The following GRID2 variants were observed in gnomAD, a reference collection of about 807,000 sequenced individuals.
GRID2 encodes glutamate receptor ionotropic, delta-2.
A neutral mutation model predicts 114.8 loss-of-function variants in GRID2; 33 were observed. The ratio of observed to expected loss-of-function variants is 0.29; its 90% confidence interval spans 0.22 to 0.38. The LOEUF (loss-of-function observed/expected upper bound fraction) is 0.38, where lower values mean the gene tolerates loss of function less well. GRID2 is among the 10% of genes least tolerant of loss of function. The pLI, the probability that GRID2 is intolerant of heterozygous loss-of-function variation, is 1.00. For missense variants in GRID2, 1,184 were observed against 1,257.7 expected (o/e 0.94, Z 0.89); for synonymous variants, 505 against 449.9 (o/e 1.12, Z -1.55).
At chr4:92,806,859 T>C (rs1357785241) in intron 2 of GRID2, among the ~76,000 whole-genome samples, 3 of 151,984 alleles carry the variant, frequency 2.0e-5, no homozygotes, top group African/African-American at 7.2e-5. Flanking sequence ...GGTTATATAA[T>C]ATTTAGATAG....
At chr4:92,343,025 A>C (rs1436957176) in intron 1 of GRID2, among the ~76,000 whole-genome samples, 1 of 152,176 alleles carries the variant, frequency 6.6e-6, no homozygotes, top group Non-Finnish European at 1.5e-5. Flanking sequence ...AAAGATATAA[A>C]CTGAGTATTC....
At chr4:93,566,485 G>A (rs1438354238) in intron 13 of GRID2, among the ~76,000 whole-genome samples, 1 of 152,086 alleles carries the variant, frequency 6.6e-6, no homozygotes, top group Non-Finnish European at 1.5e-5. Context: ...TCAAGTTGAG[G>A]CTGGGAGCAG....
intron 13 of GRID2, among the ~76,000 whole-genome samples, chr4:93,533,282 CT>C (rs1731665601): frequency 7.4e-6 from 1 of 134,426 alleles, no homozygotes. Context: ...TCCTTCCTTC[CT>C]TCCTTCCTTC....
At chr4:92,751,962 A>G (rs1423620636) in intron 2 of GRID2, among the ~76,000 whole-genome samples, 1 of 152,200 alleles carries the variant, frequency 6.6e-6, no homozygotes, top group East Asian at 1.9e-4. Context: ...CCAGTGTTCT[A>G]AGGGCTGTCG....
At chr4:92,630,254 C>A (rs1233469833) in intron 2 of GRID2, among the ~76,000 whole-genome samples, 1 of 152,130 alleles carries the variant, frequency 6.6e-6, no homozygotes, top group South Asian at 2.1e-4. Flanking sequence ...CTGATGCTTG[C>A]ATAGCTTATT....
At chr4:93,213,433 G>C (rs1743804014) in intron 5 of GRID2, among the ~76,000 whole-genome samples, 1 of 151,968 alleles carries the variant, frequency 6.6e-6, no homozygotes, top group Non-Finnish European at 1.5e-5. Context: ...AAGTATTCTG[G>C]TGTCTAGAAT....
chr4:92,979,584 T>C (rs1754068454), intron 2 of GRID2, among the ~76,000 whole-genome samples: 1 of 152,128 alleles, frequency 6.6e-6, no homozygotes, highest in African/African-American at 2.4e-5. Context: ...GAGCAAGGTG[T>C]GATTTTGCCT....
At chr4:92,781,834 T>C (rs940670785) in intron 2 of GRID2, among the ~76,000 whole-genome samples, 25 of 152,104 alleles carry the variant, frequency 1.6e-4, no homozygotes, top group African/African-American at 6.0e-4. Flanking sequence ...ATTCGAGATA[T>C]GTACATTTTA....
intron 8 of GRID2, among the ~76,000 whole-genome samples, chr4:93,342,567 C>G (rs1283299730): frequency 6.6e-6 from 1 of 152,040 alleles, no homozygotes; most frequent in East Asian, 1.9e-4. Flanking sequence ...TCACTTTATC[C>G]CTTGTGCCTG....
chr4:93,234,375 C>G (rs552136271), intron 7 of GRID2, among the ~76,000 whole-genome samples: 5 of 152,044 alleles, frequency 3.3e-5, no homozygotes, highest in Admixed American at 3.3e-4. Flanking sequence ...GGAAAAAATA[C>G]GAGACACAAG....
intron 2 of GRID2, among the ~76,000 whole-genome samples, chr4:92,609,961 C>T (rs2149227393): frequency 6.6e-6 from 1 of 151,648 alleles, no homozygotes; most frequent in South Asian, 2.1e-4. Context: ...TATCTGTTAC[C>T]ATAATTTAAT....
At chr4:93,381,482 G>C (rs1488839221) in intron 8 of GRID2, among the ~76,000 whole-genome samples, 4 of 152,000 alleles carry the variant, frequency 2.6e-5, no homozygotes, top group Admixed American at 1.3e-4. Flanking sequence ...TAGCATTTTT[G>C]TCCCTTGCTT....
chr4:92,314,091 G>GA (rs1033847421), intron 1 of GRID2, among the ~76,000 whole-genome samples: 2 of 150,262 alleles, frequency 1.3e-5, no homozygotes, highest in Admixed American at 1.3e-4. Flanking sequence ...AAGGAAATCT[G>GA]TTTTTTTTTC....
chr4:92,621,385 T>C (rs1394159213), intron 2 of GRID2, among the ~76,000 whole-genome samples: 1 of 151,806 alleles, frequency 6.6e-6, no homozygotes, highest in Admixed American at 6.6e-5. Flanking sequence ...ATTTACATTT[T>C]GTGGGAAAAA....
chr4:92,693,169 A>G (rs1413858917), intron 2 of GRID2, among the ~76,000 whole-genome samples: 3 of 152,074 alleles, frequency 2.0e-5, no homozygotes, highest in Non-Finnish European at 4.4e-5. Flanking sequence ...AATTTTTAAT[A>G]GACTTCAAAA....
intron 2 of GRID2, among the ~76,000 whole-genome samples, chr4:93,016,373 G>A (rs1722716865): frequency 6.6e-6 from 1 of 152,120 alleles, no homozygotes; most frequent in Admixed American, 6.6e-5. Context: ...ACAATGCACT[G>A]TGCACTATTT....
chr4:92,691,364 G>T (rs1734174530), intron 2 of GRID2, among the ~76,000 whole-genome samples: 1 of 152,116 alleles, frequency 6.6e-6, no homozygotes, highest in Admixed American at 6.5e-5. Context: ...TAATCAATGA[G>T]AATTGAATGA....
chr4:92,620,098 T>C (rs1156846581), intron 2 of GRID2, among the ~76,000 whole-genome samples: 1 of 151,800 alleles, frequency 6.6e-6, no homozygotes, highest in Non-Finnish European at 1.5e-5. Flanking sequence ...TCTGGAATAC[T>C]ATCTATTTTG....
chr4:92,374,767 T>C (rs551428437), intron 1 of GRID2, among the ~76,000 whole-genome samples: 1 of 152,174 alleles, frequency 6.6e-6, no homozygotes, highest in African/African-American at 2.4e-5. Flanking sequence ...AGCACATTTT[T>C]AATAGGAATT....
Sources: gnomAD v4.1 joint callset for allele counts (sites outside exome capture counted in the v4.1 genomes callset) on GRCh38, gnomAD v4.1.1 for gene constraint, MANE v1.5 for transcripts, NCBI Gene and HGNC (gene_info 2026-07-23, HGNC 2026-07-21) for gene names.